Variants in DGKB observed in about 807,000 individuals in gnomAD.
The protein encoded by DGKB is diacylglycerol kinase beta.
DGKB carries 67 observed loss-of-function variants against 114.3 expected under a neutral mutation model. The ratio of observed to expected loss-of-function variants is 0.59; its 90% confidence interval spans 0.48 to 0.72. DGKB has a LOEUF of 0.72. DGKB is among the 30% of genes least tolerant of loss of function. DGKB has a pLI of 0.00. For synonymous variants in DGKB, 398 were observed against 323.1 expected (o/e 1.23, Z -2.49); for missense variants, 907 against 975.2 (o/e 0.93, Z 0.93).
intron 1 of DGKB, among the ~76,000 whole-genome samples, chr7:14,965,984 A>AT (rs1252895727): frequency 6.6e-6 from 1 of 152,008 alleles, no homozygotes; most frequent in Middle Eastern, 3.2e-3. Context: ...CTGGTTGGAG[A>AT]TTTTTTTCTT....
At chr7:14,698,231 A>G in intron 7 of DGKB, 62 bp from the exon 8 acceptor site, 1 of 1,044,822 alleles carries the variant, frequency 9.6e-7, no homozygotes, top group East Asian at 2.9e-5. Flanking sequence ...TAAATCTTTC[A>G]CTTGCAGAAA....
chr7:14,757,622 T>C, intron 3 of DGKB, 33 bp downstream of exon 3: 3 of 1,258,682 alleles, frequency 2.4e-6, no homozygotes, highest in Non-Finnish European at 3.5e-6. Context: ...CAAGCATATA[T>C]ACGAAACTGA....
chr7:14,176,893 G>T lies in DGKB; in HGVS notation c.2250C>A (p.Ser750Arg), dbSNP rs759149020. ...AQCSCVVIRTSKSLPMQIDGE... is the reference protein window; with the variant it reads ...AQCSCVVIRTRKSLPMQIDGE... ...CATCAATTTGCATTGGCAGAGACTT[G>T]CTCGTCCTGGGGGAAAATATTTCAT... The change falls in exon 25 of 26, where the codon AGC becomes AGA. Residue 750 changes from serine to arginine, a missense_variant. Around this residue, in one of 3 missense-constraint regions of DGKB, gnomAD observed 35 missense variants for 66.0 expected, o/e 0.53. Transcript: ENST00000402815. The T allele has an allele frequency of 1.2e-6, 2 of 1,613,232 alleles. No homozygotes were observed. The highest frequency in any genetic ancestry group is 1.1e-5 in the South Asian group (1 of 91,066).
chr7:14,700,106 T>A (rs1214326012), intron 7 of DGKB, among the ~76,000 whole-genome samples: 9 of 152,126 alleles, frequency 5.9e-5, no homozygotes, highest in Non-Finnish European at 1.3e-4. Context: ...AAATTTCTAG[T>A]CGTGAAATGG....
intron 23 of DGKB, among the ~76,000 whole-genome samples, chr7:14,265,315 A>ATTTTTTTTTTTTT (rs1178230744): frequency 1.5e-4 from 6 of 40,512 alleles, no homozygotes; most frequent in African/African-American, 1.1e-3. Flanking sequence ...TTTCTCTTGC[A>ATTTTTTTTTTTTT]TTCTTTTTTT....
intron 21 of DGKB, among the ~76,000 whole-genome samples, chr7:14,477,869 T>C (rs1213737078): frequency 6.6e-6 from 1 of 152,100 alleles, no homozygotes; most frequent in Admixed American, 6.6e-5. Flanking sequence ...TCATGAAAAC[T>C]TCCAGTGTGT....
chr7:14,288,287 GTTTT>G (rs72215994), intron 23 of DGKB, among the ~76,000 whole-genome samples: 1 of 91,490 alleles, frequency 1.1e-5, no homozygotes, highest in Non-Finnish European at 2.0e-5. Flanking sequence ...ACTACCCTGA[GTTTT>G]TTTTTTTTTT....
rs531625952 is a variant in DGKB, at chr7:14,687,633, T to TA, written c.712-2272dup. Among the ~76,000 whole-genome samples, 29 of 152,304 alleles carry TA rather than the reference T, an allele frequency of 1.9e-4. No individual in the cohort carries two copies. The South Asian group carries it at 3.9e-3, about 21-fold the overall frequency. ...GGTTAAATATGGGGTTGTTAATTTTTAAAAAACTAAATTAATATTTAAAAA... is the reference window on the plus strand; with the variant it reads ...GGTTAAATATGGGGTTGTTAATTTTTAAAAAAACTAAATTAATATTTAAAAA... On this transcript the variant is annotated intron_variant, in intron 9 of 25. Coordinates refer to ENST00000402815, the MANE Select transcript of DGKB (RefSeq NM_001350709.2).
intron 20 of DGKB, among the ~76,000 whole-genome samples, chr7:14,504,755 CTT>C (rs1786757770): frequency 6.6e-6 from 1 of 152,046 alleles, no homozygotes; most frequent in African/African-American, 2.4e-5. Context: ...AAGTTTATAA[CTT>C]GAGGTTGATT....
intron 23 of DGKB, among the ~76,000 whole-genome samples, chr7:14,325,703 T>A (rs968269161): frequency 6.6e-6 from 1 of 152,034 alleles, no homozygotes; most frequent in African/African-American, 2.4e-5. Flanking sequence ...CATAATATGG[T>A]TTTTTTACAA....
At chr7:14,716,144 T>C (rs985969801) in intron 6 of DGKB, among the ~76,000 whole-genome samples, 3 of 152,164 alleles carry the variant, frequency 2.0e-5, no homozygotes, top group Non-Finnish European at 4.4e-5. Flanking sequence ...AAAACAACTG[T>C]TGTGTCAGGT....
intron 20 of DGKB, among the ~76,000 whole-genome samples, chr7:14,529,908 G>C (rs1488409493): frequency 6.6e-6 from 1 of 151,632 alleles, no homozygotes; most frequent in Non-Finnish European, 1.5e-5. Context: ...CAATTAGTTA[G>C]ATACAAATAC....
chr7:14,348,122 C>T (rs2128599325), intron 21 of DGKB, among the ~76,000 whole-genome samples: 1 of 151,980 alleles, frequency 6.6e-6, no homozygotes, highest in Admixed American at 6.6e-5. Context: ...CACAAGGTTC[C>T]CTCATGTTGC....
rs527545033 is a variant in DGKB, at chr7:14,375,974, G to A, written c.1836-30583C>T. ...TGGGGTGAAATGTTGGTTCAAACTT[G>A]TTTCAAGAATGCTTTCATTTTAGTT... On this transcript the variant is annotated intron_variant, in intron 21 of 25. Transcript: ENST00000402815. Among the ~76,000 whole-genome samples, 16 of 152,328 alleles carry A rather than the reference G, an allele frequency of 1.1e-4. No homozygotes were observed. The South Asian group carries it at 3.1e-3, about 30-fold the overall frequency.
intron 1 of DGKB, among the ~76,000 whole-genome samples, chr7:14,844,181 T>A (rs1848326836): frequency 6.6e-6 from 1 of 152,232 alleles, no homozygotes; most frequent in African/African-American, 2.4e-5. Context: ...AAAGTTCTAT[T>A]AGAGGAAATA....
intron 1 of DGKB, among the ~76,000 whole-genome samples, chr7:14,879,848 G>A (rs1041357870): frequency 6.6e-6 from 1 of 152,110 alleles, no homozygotes; most frequent in Non-Finnish European, 1.5e-5. Flanking sequence ...AATGACAATT[G>A]TATGTCTGAT....
At chr7:14,721,979 CTCTG>C (rs1477654950) in intron 5 of DGKB, among the ~76,000 whole-genome samples, 1 of 152,146 alleles carries the variant, frequency 6.6e-6, no homozygotes, top group Non-Finnish European at 1.5e-5. Context: ...TCAAATATCT[CTCTG>C]TGTTTCACAT....
intron 20 of DGKB, among the ~76,000 whole-genome samples, chr7:14,552,148 C>A (rs1795192853): frequency 6.6e-6 from 1 of 151,984 alleles, no homozygotes; most frequent in Non-Finnish European, 1.5e-5. Flanking sequence ...TTTGTATCAC[C>A]TCTAGCCACA....
At chr7:14,789,588 A>G (rs759484042) in intron 2 of DGKB, among the ~76,000 whole-genome samples, 3 of 152,100 alleles carry the variant, frequency 2.0e-5, no homozygotes, top group Non-Finnish European at 4.4e-5. Context: ...TTTATGAGAC[A>G]GTCTCATCCT....
Sources: allele counts gnomAD v4.1 joint callset (sites outside exome capture counted in the v4.1 genomes callset), GRCh38; gene constraint gnomAD v4.1.1; regional missense constraint gnomAD v4.1.1; transcripts MANE v1.5; gene names NCBI Gene and HGNC (gene_info 2026-07-23, HGNC 2026-07-21).